OXTR: variants seen among roughly 807,000 people sequenced by gnomAD.
OXTR encodes oxytocin receptor.
In OXTR, 19 loss-of-function variants were observed where a neutral mutation model predicts 23.9. The ratio of observed to expected loss-of-function variants is 0.80; its 90% CI spans 0.56 to 1.17. OXTR has a LOEUF of 1.17. Ranked by LOEUF, OXTR falls within the 50% of genes most tolerant of loss-of-function variation. The pLI is 0.00. For synonymous variants in OXTR, 278 were observed against 250.5 expected, an observed-to-expected ratio of 1.11 and a Z score of -1.04; for missense variants, 500 against 550.7, an observed-to-expected ratio of 0.91 and a Z score of 0.92.
intron 3 of OXTR, among the ~76,000 whole-genome samples, chr3:8,757,777 C>T (rs1255691270): frequency 1.3e-5 from 2 of 152,126 alleles, no homozygotes; most frequent in Admixed American, 6.5e-5. Flanking sequence ...TCCGCGGGGG[C>T]CGCTGGCCTC....
chr3:8,762,014 T>C (rs12631502), intron 3 of OXTR, among the ~76,000 whole-genome samples: 23,673 of 152,228 alleles, frequency 0.16, 2,186 homozygotes, highest in East Asian at 0.44. Flanking sequence ...GAGGGAGCCC[T>C]GTGGGGTTGC....
the OXTR span, among the ~76,000 whole-genome samples, chr3:8,744,320 C>T: frequency 1.3e-4 from 20 of 148,698 alleles, no homozygotes; most frequent in Admixed American, 1.3e-3. Context: ...GCTCTGTCAC[C>T]CAGGCTGGAG....
In OXTR at chr3:8,768,119, G is replaced by T; in HGVS notation, c.69C>A (p.Ala23=). 1 of 1,362,648 alleles carries T rather than the reference G, an allele frequency of 7.3e-7. No homozygotes were observed. Among genetic ancestry groups the T allele is most frequent in the South Asian group, 1.9e-5 (1 of 53,494 alleles). The allele number at this position is 1,362,648 out of a possible 1,614,324, so 84.4% of individuals were successfully genotyped here. ...GGGGTCCGGCGGTGCGGTTGCCCTC[G>T]GCCCCCGGCGGCGCGGCGCTGGCGT... ...AANASAAPPG[A]EGNRTAGPPR... is the part of the protein sequence containing the mutation. Residue 23 remains alanine (A), a synonymous_variant, in exon 3 of 4, where the codon GCC becomes GCA. Transcript: ENST00000316793. This position sits in a 1 kb window ranked among gnomAD's most constrained non-coding sequence, Gnocchi z 5.4.
At position 8,767,729 on chromosome 3, in the gene OXTR, G is replaced by A. The variant is rs747499072; in HGVS notation, c.459C>T (p.Asp153=). ...QPLRSLRRRT[D]RLAVLATWLG... is the part of the protein sequence containing the mutation. ...GCCACGTGGCGAGCACTGCCAGGCG[G>A]TCGGTGCGGCGGCGCAGCGAGCGCA... is the stretch of plus-strand genomic sequence containing the variant. Residue 153 remains aspartate, a synonymous_variant, in exon 3 of 4, where the codon GAC becomes GAT. Coordinates refer to ENST00000316793, the MANE Select transcript of OXTR (RefSeq NM_000916.4). The A allele has an allele frequency of 1.2e-6, 2 of 1,610,144 alleles. No individual in the cohort carries two copies. The highest frequency in any genetic ancestry group is 1.7e-6 in the Non-Finnish European group (2 of 1,178,286).
At position 8,767,258 on chromosome 3, in the gene OXTR, C is replaced by T. The variant is rs571773645; in HGVS notation, c.922+8G>A. 2.0e-6 allele frequency: 3 copies of T among 1,531,402 alleles called. No individual in the cohort carries two copies. In the East Asian group the frequency reaches 6.9e-5, roughly 35 times the overall value. The allele number at this position is 1,531,402 out of a possible 1,614,324, so 94.9% of individuals were successfully genotyped here. ...CTCCCTCCTCCTGGGTCTCCCAGCC[C>T]TGGCTACCTTCCTTGGGCGCGTTGG... On this transcript the variant is annotated splice_region_variant and intron_variant, in intron 3 of 3. Transcript: ENST00000316793.
At chr3:8,748,507 C>A (rs550029521), downstream of OXTR, among the ~76,000 whole-genome samples, 2 of 152,300 alleles carry the variant, frequency 1.3e-5, no homozygotes, top group East Asian at 3.9e-4. Flanking sequence ...TGAAGCCCTG[C>A]AGGGATCTGG....
rs1458388743 is a variant in OXTR at position 8,768,832 on chromosome 3, C to G, written c.-238-241G>C. On this transcript the variant is annotated intron_variant, in intron 1 of 3. Transcript: ENST00000316793. The surrounding 1 kb of genome is among the most constrained non-coding windows in gnomAD (Gnocchi z 5.4). ...GGGAAACCCCAGCTCTGGTCCTTCC[C>G]CGTCTAACCCCCTTTTCTAAGACGG... Among the ~76,000 whole-genome samples the G allele has an allele frequency of 6.6e-6, 1 of 152,196 alleles. No homozygotes were observed. Among genetic ancestry groups the G allele is most frequent in the Non-Finnish European group, 1.5e-5 (1 of 68,036 alleles).
At position 8,764,415 on chromosome 3, in the gene OXTR, C is replaced by T. The variant is rs116267094; in HGVS notation, c.922+2851G>A. Reference sequence around the variant, plus strand: ...TAAGGGGCCCTGGTCTAGATATTTCCGCATCTAAATTCTGTCCTCTTGGAG... The same window carrying T: ...TAAGGGGCCCTGGTCTAGATATTTCTGCATCTAAATTCTGTCCTCTTGGAG... On this transcript the variant is annotated intron_variant, in intron 3 of 3. Coordinates refer to ENST00000316793, the MANE Select transcript of OXTR (RefSeq NM_000916.4). Among the ~76,000 whole-genome samples, 820 of 152,302 alleles carry T rather than the reference C, an allele frequency of 5.4e-3. 9 individuals are homozygous for T. Among genetic ancestry groups the T allele is most frequent in the African/African-American group, 0.018 (766 of 41,552 alleles).
At chr3:8,765,105 G>A (rs1218961174) in intron 3 of OXTR, among the ~76,000 whole-genome samples, 2 of 152,210 alleles carry the variant, frequency 1.3e-5, no homozygotes, top group African/African-American at 4.8e-5. Context: ...CTCTGGCCAG[G>A]ATCTGTGTGT....
chr3:8,760,934 A>C (rs1406985043), intron 3 of OXTR, among the ~76,000 whole-genome samples: 3 of 152,208 alleles, frequency 2.0e-5, no homozygotes, highest in African/African-American at 7.2e-5. Flanking sequence ...CTAAGCCAGC[A>C]GTTCTTAACC....
At chr3:8,756,466 G>T (rs992619059) in intron 3 of OXTR, among the ~76,000 whole-genome samples, 5 of 152,318 alleles carry the variant, frequency 3.3e-5, no homozygotes, top group African/African-American at 1.2e-4. Flanking sequence ...TCACAGGTCA[G>T]GTTGGTTCCA....
rs200431166 is a variant in OXTR, at chr3:8,751,815, G to C, written c.*1162C>G. Reference sequence around the variant, plus strand: ...CAGGAAGTGTGAATCCACCAACTTTGTTCTTTTTCAAGGCTTATTTGGATA... The same window carrying C: ...CAGGAAGTGTGAATCCACCAACTTTCTTCTTTTTCAAGGCTTATTTGGATA... On this transcript the variant is annotated 3_prime_UTR_variant, in exon 4 of 4. Transcript: ENST00000316793. 6.6e-6 allele frequency: 1 copy of C among 151,938 alleles called. No individual in the cohort carries two copies. The highest frequency in any genetic ancestry group is 1.9e-4 in the East Asian group (1 of 5,184). The allele number at this position is 151,938 out of a possible 1,614,324, so 9.4% of individuals were successfully genotyped here.
In OXTR at chr3:8,768,286, G is replaced by T; in HGVS notation, c.-99C>A. The T allele has an allele frequency of 8.1e-7, 1 of 1,228,392 alleles. No homozygotes were observed. 76.1% of individuals were successfully genotyped at this position (1,228,392 alleles called of 1,614,324 possible). On this transcript the variant is annotated 5_prime_UTR_variant, in exon 3 of 4. Transcript: ENST00000316793. This position sits in a 1 kb window ranked among gnomAD's most constrained non-coding sequence, Gnocchi z 5.4. Reference sequence around the variant, plus strand: ...GTCGGAGGGTGTAGGGGCGCCCGGGGCTCCACTCCTGGAGACTCCACGGAC... The same window carrying T: ...GTCGGAGGGTGTAGGGGCGCCCGGGTCTCCACTCCTGGAGACTCCACGGAC...
the OXTR span, chr3:8,742,393 A>T: frequency 2.7e-6 from 1 of 364,814 alleles, no homozygotes; most frequent in South Asian, 2.0e-5. Flanking sequence ...AGAAGAAGAA[A>T]GATAATTAAA....
chr3:8,746,901 G>A (rs1209269518), downstream of OXTR: 3 of 152,178 alleles, frequency 2.0e-5, no homozygotes, highest in East Asian at 1.9e-4. Flanking sequence ...ATGGGGATGG[G>A]TGTTAGCATC....
At position 8,767,293 on chromosome 3, in the gene OXTR, C is replaced by G. The variant is rs767677011; in HGVS notation, c.895G>C (p.Val299Leu). ...TPFFFVQMWS[V>L]WDANAPKEAS... ...TCCTTGGGCGCGTTGGCATCCCAGA[C>G]GCTCCACATCTGCACGAAGAAGAAA... Residue 299 changes from valine (V) to leucine (L), a missense_variant, in exon 3 of 4, where the codon GTC becomes CTC. Coordinates refer to ENST00000316793, the MANE Select transcript of OXTR (RefSeq NM_000916.4). 3.2e-6 allele frequency: 5 copies of G among 1,565,332 alleles called. No individual in the cohort carries two copies. The African/African-American group carries it at 6.9e-5, about 22-fold the overall frequency.
rs201093607 is a variant in OXTR, at chr3:8,753,126, C to G, written c.1021G>C (p.Val341Leu). Residue 341 changes from valine (V) to leucine (L), a missense_variant, in exon 4 of 4, where the codon GTG becomes CTG. Coordinates refer to ENST00000316793, the MANE Select transcript of OXTR (RefSeq NM_000916.4). Reference protein sequence around the residue: ...LFTGHLFHELVQRFLCCSASY... With the variant: ...LFTGHLFHELLQRFLCCSASY... ...GCGGAGCAGCACAGGAAGCGCTGCA[C>G]GAGTTCGTGGAAGAGGTGGCCCGTG... 2 of 1,614,060 alleles carry G rather than the reference C, an allele frequency of 1.2e-6. No individual in the cohort carries two copies. The highest frequency in any genetic ancestry group is 2.2e-5 in the South Asian group (2 of 91,088).
At chr3:8,749,348 A>G (rs1206815709), downstream of OXTR, among the ~76,000 whole-genome samples, 1 of 152,206 alleles carries the variant, frequency 6.6e-6, no homozygotes, top group East Asian at 1.9e-4. Context: ...CTGATGCCCA[A>G]GAGTCTTATA....
chr3:8,768,154 C>T lies in OXTR; in HGVS notation c.34G>A (p.Glu12Lys), dbSNP rs953558316. ...EGALAANWSAEAANASAAPPG... is the reference protein window; with the variant it reads ...EGALAANWSAKAANASAAPPG... ...GGCGCGGCGCTGGCGTTGGCTGCCT[C>T]GGCGCTCCAGTTGGCTGCGAGCGCG... The change falls in exon 3 of 4, where the codon GAG becomes AAG. Residue 12 changes from glutamate to lysine, a missense_variant. Physicochemically the swap from Glu to Lys is moderately conservative, Grantham distance 56. Coordinates refer to ENST00000316793, the MANE Select transcript of OXTR (RefSeq NM_000916.4). This position sits in a 1 kb window ranked among gnomAD's most constrained non-coding sequence, Gnocchi z 5.4. 13 of 1,335,708 alleles carry T rather than the reference C, an allele frequency of 9.7e-6. No individual in the cohort carries two copies. Among genetic ancestry groups the T allele is most frequent in the Admixed American group, 7.9e-5 (2 of 25,348 alleles). 82.7% of individuals were successfully genotyped at this position (1,335,708 alleles called of 1,614,324 possible). A position where few individuals can be genotyped will look rare whatever the true frequency, so the allele number is the denominator to read the frequency against.
Sources: gnomAD v4.1 joint callset for allele counts (sites outside exome capture counted in the v4.1 genomes callset) on GRCh38, gnomAD v4.1.1 for gene constraint, Gnocchi (gnomAD v3.1) non-coding constraint, MANE v1.5 for transcripts, NCBI Gene and HGNC (gene_info 2026-07-23, HGNC 2026-07-21) for gene names.